The following POU4F1 variants were observed in gnomAD, a reference collection of about 807,000 sequenced individuals.
POU4F1 encodes POU domain, class 4, transcription factor 1.
A neutral mutation model predicts 19.8 loss-of-function variants in POU4F1; 5 were observed. The observed-to-expected ratio is 0.25, with a 90% CI of 0.13 to 0.53. The LOEUF is 0.53. Ranked by LOEUF, POU4F1 falls within the 20% of genes least tolerant of loss-of-function variation. The probability of loss-of-function intolerance (pLI) is 0.96; values close to 1 mark genes in which losing one functional copy is unlikely to be tolerated. For missense variants in POU4F1, 408 were observed against 511.6 expected (o/e 0.80, Z 1.95); for synonymous variants, 266 against 247.7 (o/e 1.07, Z -0.69).
rs1225529695 is a variant in POU4F1 at position 78,603,374 on chromosome 13, G to T, written c.-48C>A. On this transcript the variant is annotated 5_prime_UTR_variant, in exon 1 of 2. Coordinates refer to ENST00000377208, the MANE Select transcript of POU4F1 (RefSeq NM_006237.4). ...CCACAAACACTCCGAAAGTCCGCGG[G>T]AAAGTGCGTACGCCGGCTCACCCGG... 2 of 1,543,712 alleles carry T rather than the reference G, an allele frequency of 1.3e-6. No homozygotes were observed. The highest frequency in any genetic ancestry group is 2.7e-5 in the East Asian group (1 of 37,094).
chr13:78,603,040 T>A (rs975363860), intron 1 of POU4F1, among the ~76,000 whole-genome samples, 164 bp downstream of exon 1: 6 of 151,980 alleles, frequency 3.9e-5, no homozygotes, highest in African/African-American at 1.4e-4. Context: ...GAACACGACA[T>A]TAAGGGCCGC....
rs115055921 is a variant in POU4F1 at position 78,603,389 on chromosome 13, G to A, written c.-63C>T. 1.1e-3 allele frequency: 1,600 copies of A among 1,521,462 alleles called. 15 individuals are homozygous for A. In the African/African-American group the frequency reaches 0.021, roughly 20 times the overall value. The allele number at this position is 1,521,462 out of a possible 1,614,324, so 94.2% of individuals were successfully genotyped here. Reference sequence around the variant, plus strand: ...AAGTCCGCGGGAAAGTGCGTACGCCGGCTCACCCGGCCTCCCTTCGGAGGC... The same window carrying A: ...AAGTCCGCGGGAAAGTGCGTACGCCAGCTCACCCGGCCTCCCTTCGGAGGC... On this transcript the variant is annotated 5_prime_UTR_variant, in exon 1 of 2. Transcript: ENST00000377208.
chr13:78,601,097 A>C lies in POU4F1; in HGVS notation c.*318T>G. 1.2e-5 allele frequency: 4 copies of C among 345,208 alleles called. No homozygotes were observed. The highest frequency in any genetic ancestry group is 5.3e-6 in the Non-Finnish European group (1 of 187,650). The allele number at this position is 345,208 out of a possible 1,614,324, so 21.4% of individuals were successfully genotyped here. On this transcript the variant is annotated 3_prime_UTR_variant, in exon 2 of 2. Transcript: ENST00000377208. ...CCGCGTCTCCCCCCACCCAAACCCC[A>C]GAACCATCCTGCTCCTTAAAACCCC...
chr13:78,602,217 G>C lies in POU4F1; in HGVS notation c.458C>G (p.Pro153Arg). The C allele has an allele frequency of 1.2e-6, 1 of 851,010 alleles. No individual in the cohort carries two copies. Among genetic ancestry groups the C allele is most frequent in the Non-Finnish European group, 1.4e-6 (1 of 712,956 alleles). The allele number at this position is 851,010 out of a possible 1,614,324, so 52.7% of individuals were successfully genotyped here. Residue 153 changes from proline (P) to arginine (R), a missense_variant, in exon 2 of 2, where the codon CCG becomes CGG. By Grantham distance (103) the Pro-to-Arg change is moderately radical. Coordinates refer to ENST00000377208, the MANE Select transcript of POU4F1 (RefSeq NM_006237.4). ...AHDGPGGGGG[P>R]GGGGGPGGGP... ...GCCGCCCGGGCCGCCGCCGCCGCCC[G>C]GGCCGCCACCGCCCCCCGGGCCGTC...
chr13:78,601,779 G>A lies in POU4F1; in HGVS notation c.896C>T (p.Pro299Leu). 1 of 1,613,342 alleles carries A rather than the reference G, an allele frequency of 6.2e-7. No individual in the cohort carries two copies. Among genetic ancestry groups the A allele is most frequent in the Non-Finnish European group, 8.5e-7 (1 of 1,179,858 alleles). ...VGSALANLKI[P>L]GVGSLSQSTI... ...GCTCTGGCTGAGTGAGCCCACGCCC[G>A]GGATCTTGAGGTTGGCCAGCGCCGA... The change falls in exon 2 of 2, where the codon CCG becomes CTG. Residue 299 changes from proline to leucine, a missense_variant. This residue lies in a region of POU4F1 where 40 missense variants were observed against 100.7 expected (regional missense o/e 0.40). Transcript: ENST00000377208.
In POU4F1 at chr13:78,602,268, GCGCCCGCGC is replaced by G. The variant is rs907345569; in HGVS notation, c.398_406del (p.Gly133_Gly135del). The G allele has an allele frequency of 6.7e-5, 77 of 1,141,166 alleles. No individual in the cohort carries two copies. The highest frequency in any genetic ancestry group is 2.0e-4 in the African/African-American group (12 of 60,994). 70.7% of individuals were successfully genotyped at this position (1,141,166 alleles called of 1,614,324 possible). On this transcript the variant is annotated inframe_deletion, in exon 2 of 2. Coordinates refer to ENST00000377208, the MANE Select transcript of POU4F1 (RefSeq NM_006237.4). ...GTGGGCGCCGCCGCCGCCGGCCGCC[GCGCCCGCGC>G]CGCCCGCGCCGGCCATGAGCGCGAG... is the stretch of plus-strand genomic sequence containing the variant.
chr13:78,601,345 G>T lies in POU4F1; in HGVS notation c.*70C>A. 6.3e-7 allele frequency: 1 copy of T among 1,594,906 alleles called. No homozygotes were observed. The highest frequency in any genetic ancestry group is 8.5e-7 in the Non-Finnish European group (1 of 1,172,462). On this transcript the variant is annotated 3_prime_UTR_variant, in exon 2 of 2. Coordinates refer to ENST00000377208, the MANE Select transcript of POU4F1 (RefSeq NM_006237.4). ...ACACTCCAAATCCGAGGGGAGGCAA[G>T]CAGAGGAAAGCCCCCCAAAAATGCC...
At position 78,602,464 on chromosome 13, in the gene POU4F1, C is replaced by T; in HGVS notation, c.211G>A (p.Gly71Ser). Residue 71 changes from glycine (G) to serine (S), a missense_variant, in exon 2 of 2, where the codon GGC becomes AGC. By Grantham distance (56) the Gly-to-Ser change is moderately conservative (BLOSUM62 0). Coordinates refer to ENST00000377208, the MANE Select transcript of POU4F1 (RefSeq NM_006237.4). The part of the protein sequence containing the change: ...LAAVDIAVSQ[G>S]KSHPFKPDAT... The stretch of plus-strand genomic sequence containing the variant: ...TCCGGCTTGAAAGGATGGCTCTTGC[C>T]CTGGGACACGGCGATGTCCACGGCC... The T allele has an allele frequency of 6.3e-7, 1 of 1,599,912 alleles. No individual in the cohort carries two copies. The highest frequency in any genetic ancestry group is 8.5e-7 in the Non-Finnish European group (1 of 1,174,948).
At position 78,601,356 on chromosome 13, in the gene POU4F1, C is replaced by T; in HGVS notation, c.*59G>A. On this transcript the variant is annotated 3_prime_UTR_variant, in exon 2 of 2. Transcript: ENST00000377208. Reference sequence around the variant, plus strand: ...CCGAGGGGAGGCAAGCAGAGGAAAGCCCCCCAAAAATGCCTCCTCAGCTCC... The same window carrying T: ...CCGAGGGGAGGCAAGCAGAGGAAAGTCCCCCAAAAATGCCTCCTCAGCTCC... The T allele has an allele frequency of 2.5e-6, 4 of 1,603,782 alleles. No individual in the cohort carries two copies. Among genetic ancestry groups the T allele is most frequent in the Non-Finnish European group, 3.4e-6 (4 of 1,176,070 alleles).
Position 78,601,115 on chromosome 13 carries a change from A to T in POU4F1, c.*300T>A. 2.4e-6 allele frequency: 1 copy of T among 408,512 alleles called. No individual in the cohort carries two copies. The highest frequency in any genetic ancestry group is 4.4e-6 in the Non-Finnish European group (1 of 225,454). The allele number at this position is 408,512 out of a possible 1,614,324, so 25.3% of individuals were successfully genotyped here. ...AAACCCCAGAACCATCCTGCTCCTT[A>T]AAACCCCTGCTCGGGTCTCCGCTTT... On this transcript the variant is annotated 3_prime_UTR_variant, in exon 2 of 2. Transcript: ENST00000377208.
In POU4F1 at chr13:78,599,285, G is replaced by A. The variant is rs1874605827; in HGVS notation, c.*2130C>T. 1 of 152,544 alleles carries A rather than the reference G, an allele frequency of 6.6e-6. No individual in the cohort carries two copies. Among genetic ancestry groups the A allele is most frequent in the Admixed American group, 6.5e-5 (1 of 15,276 alleles). 9.4% of individuals were successfully genotyped at this position (152,544 alleles called of 1,614,324 possible). On this transcript the variant is annotated 3_prime_UTR_variant, in exon 2 of 2. Transcript: ENST00000377208. ...AGTAAGGGAGGAGAAAGGTAAAAGA[G>A]AAAAAACATAACCAAGGAGAAAGCT...
In POU4F1 at chr13:78,603,405, C is replaced by T; in HGVS notation, c.-79G>A. ...GCGTACGCCGGCTCACCCGGCCTCC[C>T]TTCGGAGGCTGCAGCCGCGGCGGTC... On this transcript the variant is annotated 5_prime_UTR_variant, in exon 1 of 2. Coordinates refer to ENST00000377208, the MANE Select transcript of POU4F1 (RefSeq NM_006237.4). 4.0e-6 allele frequency: 6 copies of T among 1,485,294 alleles called. No individual in the cohort carries two copies. The highest frequency in any genetic ancestry group is 5.4e-6 in the Non-Finnish European group (6 of 1,113,264). The allele number at this position is 1,485,294 out of a possible 1,614,324, so 92.0% of individuals were successfully genotyped here.
rs961924897 is a variant in POU4F1 at position 78,603,508 on chromosome 13, G to A, written c.-182C>T. ...GCCAGGCGCTCCCTCTGACCGCGCAGAGCGCCGCGCGCCGGCCTCGCGGTC... is the reference window on the plus strand; with the variant it reads ...GCCAGGCGCTCCCTCTGACCGCGCAAAGCGCCGCGCGCCGGCCTCGCGGTC... On this transcript the variant is annotated 5_prime_UTR_variant, in exon 1 of 2. Transcript: ENST00000377208. 2.1e-5 allele frequency: 21 copies of A among 1,011,632 alleles called. No individual in the cohort carries two copies. The African/African-American group carries it at 3.3e-4, about 16-fold the overall frequency. The allele number at this position is 1,011,632 out of a possible 1,614,324, so 62.7% of individuals were successfully genotyped here. A position where few individuals can be genotyped will look rare whatever the true frequency, so the allele number is the denominator to read the frequency against.
rs1215619897 is a variant in POU4F1 at position 78,601,373 on chromosome 13, C to T, written c.*42G>A. On this transcript the variant is annotated 3_prime_UTR_variant, in exon 2 of 2. Transcript: ENST00000377208. ...GAGGAAAGCCCCCCAAAAATGCCTCCTCAGCTCCCCATTCTGTCCCGCCCG... is the reference window on the plus strand; with the variant it reads ...GAGGAAAGCCCCCCAAAAATGCCTCTTCAGCTCCCCATTCTGTCCCGCCCG... 1.9e-6 allele frequency: 3 copies of T among 1,611,394 alleles called. No individual in the cohort carries two copies. In the South Asian group the frequency reaches 3.3e-5, roughly 18 times the overall value.
In POU4F1 at chr13:78,598,424, A is replaced by G. The variant is rs969508762; in HGVS notation, c.*2991T>C. On this transcript the variant is annotated 3_prime_UTR_variant, in exon 2 of 2. Transcript: ENST00000377208. ...TTTCAAGTCAATAACAGCAAAAACAAATCAACTTTTTATGGAAGAGTTCTA... is the reference window on the plus strand; with the variant it reads ...TTTCAAGTCAATAACAGCAAAAACAGATCAACTTTTTATGGAAGAGTTCTA... 1 of 152,172 alleles carries G rather than the reference A, an allele frequency of 6.6e-6. No individual in the cohort carries two copies. The highest frequency in any genetic ancestry group is 2.4e-5 in the African/African-American group (1 of 41,458). 9.4% of individuals were successfully genotyped at this position (152,172 alleles called of 1,614,324 possible). A position where few individuals can be genotyped will look rare whatever the true frequency, so the allele number is the denominator to read the frequency against.
In POU4F1 at chr13:78,602,203, C is replaced by A; in HGVS notation, c.472G>T (p.Gly158Cys). 1 of 446,626 alleles carries A rather than the reference C, an allele frequency of 2.2e-6. No individual in the cohort carries two copies. Among genetic ancestry groups the A allele is most frequent in the Non-Finnish European group, 2.9e-6 (1 of 346,852 alleles). 27.7% of individuals were successfully genotyped at this position (446,626 alleles called of 1,614,324 possible). Residue 158 changes from glycine to cysteine, a missense_variant, in exon 2 of 2, where the codon GGC (glycine) becomes TGC (cysteine). By Grantham distance (159) the Gly-to-Cys change is radical (BLOSUM62 -3). Transcript: ENST00000377208. Reference protein sequence around the residue: ...GGGGGPGGGGGPGGGPGGGGG... With the variant: ...GGGGGPGGGGCPGGGPGGGGG... Reference sequence around the variant, plus strand: ...CCTCCCCCGGGGCCGCCGCCCGGGCCGCCGCCGCCGCCCGGGCCGCCACCG... The same window carrying A: ...CCTCCCCCGGGGCCGCCGCCCGGGCAGCCGCCGCCGCCCGGGCCGCCACCG...
chr13:78,601,700 G>C lies in POU4F1; in HGVS notation c.975C>G (p.Leu325=), dbSNP rs1438074798. The change falls in exon 2 of 2, where the codon CTC becomes CTG. Residue 325 remains leucine, a synonymous_variant. Transcript: ENST00000377208. ...LTLSHNNMIA[L]KPILQAWLEE... ...CGAGCCACGCCTGCAGGATGGGCTT[G>C]AGCGCGATCATGTTGTTGTGCGAGA... 6.2e-7 allele frequency: 1 copy of C among 1,613,952 alleles called. No homozygotes were observed.
Position 78,602,188 on chromosome 13 carries a change from G to GCC in POU4F1, c.486_487insGG (p.Pro163GlyfsTer47), listed in dbSNP as rs1874733511. The GCC allele has an allele frequency of 3.5e-5, 7 of 199,552 alleles. No homozygotes were observed. The highest frequency in any genetic ancestry group is 7.3e-5 in the African/African-American group (3 of 40,982). The allele number at this position is 199,552 out of a possible 1,614,324, so 12.4% of individuals were successfully genotyped here. A position where few individuals can be genotyped will look rare whatever the true frequency, so the allele number is the denominator to read the frequency against. ...GGGCCGCCACCGCCGCCTCCCCCGG[G>GCC]GCCGCCGCCCGGGCCGCCGCCGCCG... On this transcript the variant is annotated frameshift_variant, in exon 2 of 2. Coordinates refer to ENST00000377208, the MANE Select transcript of POU4F1 (RefSeq NM_006237.4). LOFTEE classifies it high-confidence loss of function.
Position 78,601,721 on chromosome 13 carries a change from C to A in POU4F1, c.954G>T (p.Ser318=), listed in dbSNP as rs771963455. The part of the protein sequence containing the change: ...TICRFESLTL[S]HNNMIALKPI... ...GCTTGAGCGCGATCATGTTGTTGTG[C>A]GAGAGCGTGAGCGACTCGAACCTGC... The change falls in exon 2 of 2, where the codon TCG becomes TCT. Residue 318 remains serine, a synonymous_variant. Transcript: ENST00000377208. 1.9e-6 allele frequency: 3 copies of A among 1,613,732 alleles called. No individual in the cohort carries two copies. The highest frequency in any genetic ancestry group is 2.7e-5 in the African/African-American group (2 of 74,944).
Sources: allele counts gnomAD v4.1 joint callset (sites outside exome capture counted in the v4.1 genomes callset), GRCh38; gene constraint gnomAD v4.1.1; regional missense constraint gnomAD v4.1.1; transcripts MANE v1.5; gene names NCBI Gene and HGNC (gene_info 2026-07-23, HGNC 2026-07-21).